The following RANBP17 variants were observed in gnomAD, a reference collection of about 807,000 sequenced individuals.
The protein encoded by RANBP17 is ran-binding protein 17.
RANBP17 carries 158 observed loss-of-function variants against 141.2 expected under a neutral mutation model. The observed-to-expected ratio is 1.12, with a 90% CI of 0.98 to 1.28. RANBP17 has a LOEUF of 1.28. Ranked by LOEUF, RANBP17 falls within the 50% of genes most tolerant of loss-of-function variation. The pLI is 0.00. For missense variants in RANBP17, 1,438 were observed against 1,290.7 expected, an observed-to-expected ratio of 1.11 and a Z score of -1.75; for synonymous variants, 430 against 450.0, an observed-to-expected ratio of 0.96 and a Z score of 0.56.
At chr5:171,101,412 A>T (rs554056654) in intron 14 of RANBP17, among the ~76,000 whole-genome samples, 9 of 152,292 alleles carry the variant, frequency 5.9e-5, no homozygotes, top group African/African-American at 1.9e-4. Context: ...AAGGGCGAAG[A>T]TTGCAACCCC....
chr5:170,865,511 A>G (rs1767175021), intron 1 of RANBP17, among the ~76,000 whole-genome samples: 1 of 151,932 alleles, frequency 6.6e-6, no homozygotes, highest in South Asian at 2.1e-4. Context: ...AGACCCCACT[A>G]CTCTCTACTC....
intron 22 of RANBP17, among the ~76,000 whole-genome samples, chr5:171,232,654 T>C (rs1764273709): frequency 6.6e-6 from 1 of 152,198 alleles, no homozygotes; most frequent in African/African-American, 2.4e-5. Flanking sequence ...TAACCATTAT[T>C]AACAGTTTAG....
At chr5:170,862,127 C>T in intron 1 of RANBP17, 76 bp downstream of exon 1, 2 of 1,357,742 alleles carry the variant, frequency 1.5e-6, no homozygotes, top group South Asian at 1.7e-5. Context: ...AGACCGAGGG[C>T]CGAGGACAGC....
intron 13 of RANBP17, among the ~76,000 whole-genome samples, chr5:170,958,055 A>G (rs1775865514): frequency 6.8e-6 from 1 of 147,082 alleles, no homozygotes; most frequent in Non-Finnish European, 1.5e-5. Context: ...TACTGAGAAA[A>G]TACAACTGGT....
At chr5:171,147,340 TG>T (rs1758108630) in intron 14 of RANBP17, among the ~76,000 whole-genome samples, 1 of 4,456 alleles carries the variant, frequency 2.2e-4, no homozygotes, top group African/African-American at 6.0e-4. Context: ...TTGGTTGTTT[TG>T]TGTGTGTGTG....
intron 14 of RANBP17, among the ~76,000 whole-genome samples, chr5:171,084,193 T>C (rs1188733539): frequency 6.8e-6 from 1 of 147,818 alleles, no homozygotes; most frequent in East Asian, 2.1e-4. Flanking sequence ...TTCCCACCTA[T>C]GAGTGAGAAT....
At chr5:171,004,012 T>C (rs1301587530) in intron 14 of RANBP17, among the ~76,000 whole-genome samples, 2 of 152,188 alleles carry the variant, frequency 1.3e-5, no homozygotes, top group Non-Finnish European at 2.9e-5. Flanking sequence ...GTAAGAGTTG[T>C]CCGGTTTTTG....
intron 22 of RANBP17, among the ~76,000 whole-genome samples, chr5:171,236,843 C>A (rs950062013): frequency 6.6e-6 from 1 of 152,126 alleles, no homozygotes; most frequent in Admixed American, 6.5e-5. Flanking sequence ...AAGGAAAGAT[C>A]TAGGATTCAG....
intron 14 of RANBP17, among the ~76,000 whole-genome samples, chr5:171,157,600 A>G (rs144009874): frequency 2.0e-5 from 3 of 152,344 alleles, no homozygotes; most frequent in African/African-American, 7.2e-5. Flanking sequence ...GAAAGATTGT[A>G]TTTACCATAT....
chr5:170,916,706 C>T (rs576479870), intron 9 of RANBP17, 122 bp downstream of exon 9: 61 of 467,422 alleles, frequency 1.3e-4, no homozygotes, highest in African/African-American at 1.2e-3. Flanking sequence ...TCATATATAT[C>T]TTCCTTAGAG....
intron 14 of RANBP17, among the ~76,000 whole-genome samples, chr5:171,086,297 C>T (rs985986957): frequency 2.0e-5 from 3 of 148,556 alleles, no homozygotes; most frequent in African/African-American, 4.9e-5. Context: ...ACCAGCCTTG[C>T]ATCCCAGGGA....
In RANBP17 at chr5:171,037,596, G is replaced by A. The variant is rs115818391; in HGVS notation, c.1710+69219G>A. Among the ~76,000 whole-genome samples, 129 of 152,028 alleles carry A rather than the reference G, an allele frequency of 8.5e-4. 1 individual carries two copies. The highest frequency in any genetic ancestry group is 3.0e-3 in the African/African-American group (123 of 41,486). ...GGTCTTATATTAAAATCTGTTAATCGGTCGAGTTAATTTTTGTATATGGTA... is the reference window on the plus strand; with the variant it reads ...GGTCTTATATTAAAATCTGTTAATCAGTCGAGTTAATTTTTGTATATGGTA... On this transcript the variant is annotated intron_variant, in intron 14 of 27. Transcript: ENST00000523189.
At chr5:171,045,992 C>T (rs1782555866) in intron 14 of RANBP17, among the ~76,000 whole-genome samples, 1 of 152,124 alleles carries the variant, frequency 6.6e-6, no homozygotes, top group African/African-American at 2.4e-5. Flanking sequence ...AAACTGGTTT[C>T]TTTCACTCAG....
At chr5:171,086,632 A>T (rs1785683175) in intron 14 of RANBP17, among the ~76,000 whole-genome samples, 1 of 149,216 alleles carries the variant, frequency 6.7e-6, no homozygotes, top group Admixed American at 6.7e-5. Flanking sequence ...TTATTGCCAC[A>T]ATTTCAGCTC....
chr5:170,996,252 T>C (rs1353005712), intron 14 of RANBP17, among the ~76,000 whole-genome samples: 1 of 152,124 alleles, frequency 6.6e-6, no homozygotes, highest in African/African-American at 2.4e-5. Flanking sequence ...GCTGTTTTTT[T>C]CCCTAAAAAG....
intron 14 of RANBP17, among the ~76,000 whole-genome samples, chr5:171,055,653 G>C (rs1783292142): frequency 6.6e-6 from 1 of 151,782 alleles, no homozygotes; most frequent in Non-Finnish European, 1.5e-5. Context: ...CTCTTATCTT[G>C]AGGTTCCAAG....
intron 14 of RANBP17, among the ~76,000 whole-genome samples, chr5:171,040,317 A>G (rs1782173306): frequency 6.6e-6 from 1 of 152,172 alleles, no homozygotes; most frequent in African/African-American, 2.4e-5. Context: ...TGTTCTTGAT[A>G]AGATATGACA....
intron 18 of RANBP17, among the ~76,000 whole-genome samples, chr5:171,190,685 GCT>G (rs1561747884): frequency 6.6e-6 from 1 of 152,162 alleles, no homozygotes; most frequent in Admixed American, 6.5e-5. Context: ...CCTCCAGGGA[GCT>G]ATTCAGTATA....
intron 2 of RANBP17, among the ~76,000 whole-genome samples, chr5:170,879,250 C>T (rs1768455045): frequency 6.6e-6 from 1 of 152,138 alleles, no homozygotes; most frequent in Non-Finnish European, 1.5e-5. Context: ...TCATCATTTA[C>T]AAGGCATTTA....
Sources: gnomAD v4.1 joint callset for allele counts (sites outside exome capture counted in the v4.1 genomes callset) on GRCh38, gnomAD v4.1.1 for gene constraint, MANE v1.5 for transcripts, NCBI Gene and HGNC (gene_info 2026-07-23, HGNC 2026-07-21) for gene names.